Variants in USH2A observed in about 807,000 individuals in gnomAD.
USH2A encodes the protein usherin.
In USH2A, 443 loss-of-function variants were observed where a neutral mutation model predicts 538.9. The observed-to-expected ratio is 0.82, with a 90% CI of 0.76 to 0.89. The LOEUF (loss-of-function observed/expected upper bound fraction) is 0.89, where lower values mean the gene tolerates loss of function less well. Among genes scored for constraint, USH2A ranks in the 40% least tolerant of loss-of-function variants. The pLI is 0.00. For synonymous variants in USH2A, 2,413 were observed against 2,273.5 expected, an observed-to-expected ratio of 1.06 and a Z score of -1.75; for missense variants, 6,633 against 6,324.8, an observed-to-expected ratio of 1.05 and a Z score of -1.65.
chr1:216,065,802 C>T (rs1237307761), intron 30 of USH2A, among the ~76,000 whole-genome samples: 1 of 151,950 alleles, frequency 6.6e-6, no homozygotes, highest in African/African-American at 2.4e-5. Flanking sequence ...GAGGCCAAGG[C>T]AGGAAAATCT....
In USH2A at chr1:215,790,076, T is replaced by G. The variant is rs1341186496; in HGVS notation, c.10165A>C (p.Thr3389Pro). The G allele has an allele frequency of 6.2e-7, 1 of 1,613,314 alleles. No homozygotes were observed. The highest frequency in any genetic ancestry group is 1.7e-5 in the Admixed American group (1 of 59,932). The change falls in exon 51 of 72, where the codon ACT becomes CCT. Residue 3389 changes from threonine to proline, a missense_variant. Thr to Pro is a conservative substitution (Grantham distance 38). Coordinates refer to ENST00000307340, the MANE Select transcript of USH2A (RefSeq NM_206933.4). ...TCAATTACCTTCATCATCATTCCAGTTGAAATCTTGTCAGAGCAAACATAT... is the reference window on the plus strand; with the variant it reads ...TCAATTACCTTCATCATCATTCCAGGTGAAATCTTGTCAGAGCAAACATAT... ...LKYVCSDKIS[T>P]GMMMKETKEC...
chr1:215,747,120 G>T (rs1660493776), intron 58 of USH2A, among the ~76,000 whole-genome samples: 1 of 152,158 alleles, frequency 6.6e-6, no homozygotes, highest in Admixed American at 6.6e-5. Context: ...TGCTGAACAA[G>T]TATAACTGTT....
intron 11 of USH2A, among the ~76,000 whole-genome samples, chr1:216,280,529 T>C (rs535871657): frequency 2.0e-5 from 3 of 152,162 alleles, no homozygotes; most frequent in Admixed American, 6.5e-5. Flanking sequence ...GATTCCATGT[T>C]AGTTATTCCT....
intron 21 of USH2A, among the ~76,000 whole-genome samples, chr1:216,151,407 G>A (rs1388990836): frequency 2.0e-5 from 3 of 152,062 alleles, no homozygotes; most frequent in Admixed American, 6.6e-5. Flanking sequence ...TTGCAAATGG[G>A]ACCGAAGAGC....
chr1:216,157,329 T>G (rs906312633), intron 21 of USH2A, among the ~76,000 whole-genome samples: 1 of 152,182 alleles, frequency 6.6e-6, no homozygotes, highest in Middle Eastern at 3.2e-3. Context: ...AAACAGCAGA[T>G]GCTGGTAAGG....
chr1:215,814,532 A>G, intron 48 of USH2A, among the ~76,000 whole-genome samples: 1 of 152,102 alleles, frequency 6.6e-6, no homozygotes, highest in East Asian at 1.9e-4. Flanking sequence ...GAAGTAGGAA[A>G]GAGACTTTTA....
intron 32 of USH2A, among the ~76,000 whole-genome samples, chr1:216,016,551 T>A (rs1437466630): frequency 6.6e-6 from 1 of 152,280 alleles, no homozygotes; most frequent in Admixed American, 6.5e-5. Flanking sequence ...AAACATCTCC[T>A]GACTCTCTTC....
At chr1:215,679,322 G>A (rs184581841) in intron 62 of USH2A, among the ~76,000 whole-genome samples, 1 of 152,338 alleles carries the variant, frequency 6.6e-6, no homozygotes, top group East Asian at 1.9e-4. Flanking sequence ...CTTGGAGAAG[G>A]AGTGGCAAAG....
chr1:215,685,332 G>GT (rs10716020), intron 61 of USH2A, among the ~76,000 whole-genome samples: 28,509 of 144,852 alleles, frequency 0.2, 2,996 homozygotes, highest in Non-Finnish European at 0.23. Flanking sequence ...ATTCAAATCA[G>GT]TTTTTTTTTT....
At chr1:216,021,554 C>T (rs770084756) in intron 32 of USH2A, among the ~76,000 whole-genome samples, 30 of 152,082 alleles carry the variant, frequency 2.0e-4, no homozygotes, top group Non-Finnish European at 3.2e-4. Flanking sequence ...CAGACTAATA[C>T]GTGCCCTGAA....
intron 30 of USH2A, among the ~76,000 whole-genome samples, chr1:216,060,657 A>G (rs1347600749): frequency 3.9e-5 from 6 of 152,218 alleles, no homozygotes; most frequent in African/African-American, 1.2e-4. Context: ...TAATGCAACA[A>G]TAAAATTGAG....
intron 2 of USH2A, 47 bp from the exon 3 acceptor site, chr1:216,418,726 A>G (rs1301302369): frequency 1.2e-6 from 2 of 1,603,700 alleles, no homozygotes; most frequent in African/African-American, 1.3e-5. Context: ...ATCCAACCAA[A>G]AAGACATGCT....
intron 46 of USH2A, among the ~76,000 whole-genome samples, chr1:215,842,356 G>C (rs1663703891): frequency 6.6e-6 from 1 of 152,144 alleles, no homozygotes; most frequent in Non-Finnish European, 1.5e-5. Context: ...TTACACTGTT[G>C]GTGGGAATGT....
At chr1:216,274,217 CAG>C (rs1354923189) in intron 11 of USH2A, among the ~76,000 whole-genome samples, 1 of 152,078 alleles carries the variant, frequency 6.6e-6, no homozygotes, top group Admixed American at 6.6e-5. Flanking sequence ...CACTGAGCCT[CAG>C]AGAAACATAG....
chr1:216,025,665 T>A (rs1668946987), intron 32 of USH2A, among the ~76,000 whole-genome samples: 1 of 152,074 alleles, frequency 6.6e-6, no homozygotes, highest in South Asian at 2.1e-4. Flanking sequence ...TTGTTGGAGT[T>A]CAGTTTACAG....
At chr1:215,640,812 A>T in intron 67 of USH2A, 78 bp from the exon 68 acceptor site, 2 of 1,414,412 alleles carry the variant, frequency 1.4e-6, no homozygotes, top group Non-Finnish European at 9.9e-7. Context: ...AAAAAAAAAA[A>T]TATGAGCAAA....
intron 64 of USH2A, among the ~76,000 whole-genome samples, chr1:215,670,396 C>G (rs1657776795): frequency 6.6e-6 from 1 of 152,156 alleles, no homozygotes; most frequent in Non-Finnish European, 1.5e-5. Flanking sequence ...CAAAACAAAC[C>G]TAACAGAAGT....
At chr1:216,030,055 T>C (rs562802573) in intron 32 of USH2A, among the ~76,000 whole-genome samples, 270 of 146,626 alleles carry the variant, frequency 1.8e-3, no homozygotes, top group Non-Finnish European at 2.9e-3. Flanking sequence ...GTATATATGA[T>C]ATATCACAGA....
intron 38 of USH2A, among the ~76,000 whole-genome samples, chr1:215,903,941 T>C (rs1306240668): frequency 2.6e-5 from 4 of 152,138 alleles, no homozygotes; most frequent in Non-Finnish European, 4.4e-5. Context: ...GGCTTTTTAA[T>C]TGATATTTTT....
Sources: allele counts gnomAD v4.1 joint callset (sites outside exome capture counted in the v4.1 genomes callset), GRCh38; gene constraint gnomAD v4.1.1; transcripts MANE v1.5; gene names NCBI Gene and HGNC (gene_info 2026-07-23, HGNC 2026-07-21).